VWC2: variants seen among roughly 807,000 people sequenced by gnomAD.
The protein encoded by VWC2 is brorin.
VWC2 carries 14 observed loss-of-function variants against 29.8 expected under a neutral mutation model. The observed-to-expected ratio is 0.47, with a 90% CI of 0.31 to 0.74. The LOEUF is 0.74. Ranked by LOEUF, VWC2 falls within the 30% of genes least tolerant of loss-of-function variation. The pLI, the probability that VWC2 is intolerant of heterozygous loss-of-function variation, is 0.05. For synonymous variants in VWC2, 213 were observed against 199.0 expected, an observed-to-expected ratio of 1.07 and a Z score of -0.59; for missense variants, 457 against 459.8, an observed-to-expected ratio of 0.99 and a Z score of 0.05.
rs184019485 is a variant in VWC2 at position 49,820,512 on chromosome 7, T to C, written c.826+17672T>C. Among the ~76,000 whole-genome samples the C allele has an allele frequency of 5.9e-4, 90 of 152,312 alleles. 1 individual carries two copies. The highest frequency in any genetic ancestry group is 2.0e-3 in the African/African-American group (85 of 41,574). On this transcript the variant is annotated intron_variant, in intron 3 of 3. Transcript: ENST00000340652. ...TGAGGAACTTTGTAGGGAATACAAA[T>C]TTATTTTTAAAAAGGATTAAAATGA...
At position 49,918,518 on chromosome 7, in the gene VWC2, C is replaced by T. The variant is rs576375596; in HGVS notation, c.*6333C>T. 1 of 152,182 alleles carries T rather than the reference C, an allele frequency of 6.6e-6. No homozygotes were observed. Among genetic ancestry groups the T allele is most frequent in the Non-Finnish European group, 1.5e-5 (1 of 68,038 alleles). The allele number at this position is 152,182 out of a possible 1,614,324, so 9.4% of individuals were successfully genotyped here. ...TTATGCTATATTTTGTTTCCTAAATCTAGAGATCTCTTTTTAAAAATAGTA... is the reference window on the plus strand; with the variant it reads ...TTATGCTATATTTTGTTTCCTAAATTTAGAGATCTCTTTTTAAAAATAGTA... On this transcript the variant is annotated 3_prime_UTR_variant, in exon 4 of 4. Transcript: ENST00000340652.
intron 2 of VWC2, among the ~76,000 whole-genome samples, chr7:49,779,542 A>G (rs1331733546): frequency 6.6e-6 from 1 of 151,958 alleles, no homozygotes; most frequent in African/African-American, 2.4e-5. Context: ...AACTTATACC[A>G]GCAGGCATCC....
At chr7:49,795,787 C>T (rs1264749998) in intron 2 of VWC2, among the ~76,000 whole-genome samples, 1 of 152,196 alleles carries the variant, frequency 6.6e-6, no homozygotes, top group Admixed American at 6.5e-5. Flanking sequence ...CAACATTTTG[C>T]ACTGGCCCAG....
intron 3 of VWC2, among the ~76,000 whole-genome samples, chr7:49,894,241 C>T (rs765716394): frequency 3.9e-5 from 6 of 152,240 alleles, no homozygotes; most frequent in Non-Finnish European, 8.8e-5. Flanking sequence ...ACCTCAGCCT[C>T]GACCACCCAG....
At chr7:49,854,230 A>G (rs1790321531) in intron 3 of VWC2, among the ~76,000 whole-genome samples, 1 of 152,236 alleles carries the variant, frequency 6.6e-6, no homozygotes, top group African/African-American at 2.4e-5. Context: ...ATATATACCC[A>G]GTAATGGGAT....
intron 3 of VWC2, among the ~76,000 whole-genome samples, chr7:49,880,839 T>G (rs931768177): frequency 6.6e-6 from 1 of 152,088 alleles, no homozygotes; most frequent in Admixed American, 6.6e-5. Flanking sequence ...GGGAAGCTCT[T>G]CATTTTTGCC....
intron 3 of VWC2, among the ~76,000 whole-genome samples, chr7:49,871,948 CACACACACA>C (rs1791173048): frequency 2.6e-5 from 3 of 115,588 alleles, no homozygotes; most frequent in African/African-American, 3.8e-5. Context: ...CACACACACA[CACACACACA>C]CCGAGAAAGA....
At chr7:49,885,714 C>T (rs1791873586) in intron 3 of VWC2, among the ~76,000 whole-genome samples, 1 of 152,134 alleles carries the variant, frequency 6.6e-6, no homozygotes, top group African/African-American at 2.4e-5. Context: ...CAAGAGTCTA[C>T]GAGGGTGTAA....
In VWC2 at chr7:49,802,766, T is replaced by C; in HGVS notation, c.752T>C (p.Val251Ala). Residue 251 changes from valine to alanine, a missense_variant, in exon 3 of 4, where the codon GTG becomes GCG. This residue lies in a region of VWC2 where 185 missense variants were observed against 257.1 expected (regional missense o/e 0.72). Transcript: ENST00000340652. ...GCCAACGGTGAGGTGCTATGCACAG[T>C]GTCAGCGTGTCCCCAGACGGAGTGT... ...CEANGEVLCT[V>A]SACPQTECVD... The C allele has an allele frequency of 6.2e-7, 1 of 1,614,236 alleles. No individual in the cohort carries two copies. Among genetic ancestry groups the C allele is most frequent in the Non-Finnish European group, 8.5e-7 (1 of 1,180,036 alleles).
At chr7:49,897,668 G>T (rs1792456418) in intron 3 of VWC2, among the ~76,000 whole-genome samples, 1 of 152,210 alleles carries the variant, frequency 6.6e-6, no homozygotes, top group Non-Finnish European at 1.5e-5. Context: ...GGCAAATACA[G>T]AAAATCACAA....
Position 49,877,481 on chromosome 7 carries a change from A to AAAAATATACATATATATATATAT in VWC2, c.827-34552_827-34551insAAATATACATATATATATATATA. Among the ~76,000 whole-genome samples the AAAAATATACATATATATATATAT allele has an allele frequency of 3.5e-3, 44 of 12,728 alleles. 11 individuals are homozygous for AAAAATATACATATATATATATAT. Among genetic ancestry groups the AAAAATATACATATATATATATAT allele is most frequent in the East Asian group, 0.017 (3 of 180 alleles). 8.4% of individuals were successfully genotyped at this position (12,728 alleles called of 152,430 possible). A position where few individuals can be genotyped will look rare whatever the true frequency, so the allele number is the denominator to read the frequency against. ...CTGTCTCAAAAAAAAAAAAAAAAAA[A>AAAAATATACATATATATATATAT]ATATATATATATATATATATATATA... On this transcript the variant is annotated intron_variant, in intron 3 of 3. Transcript: ENST00000340652.
At chr7:49,801,172 A>G (rs2128705672) in intron 2 of VWC2, among the ~76,000 whole-genome samples, 1 of 152,200 alleles carries the variant, frequency 6.6e-6, no homozygotes, top group Non-Finnish European at 1.5e-5. Flanking sequence ...CTCAGTGGAG[A>G]TTTCAGTTTT....
At chr7:49,841,677 T>C (rs1191090941) in intron 3 of VWC2, among the ~76,000 whole-genome samples, 1 of 152,230 alleles carries the variant, frequency 6.6e-6, no homozygotes, top group African/African-American at 2.4e-5. Context: ...AGAAATGTAC[T>C]TAGCATGGTT....
intron 3 of VWC2, among the ~76,000 whole-genome samples, chr7:49,868,086 G>A (rs894644204): frequency 3.1e-4 from 47 of 151,970 alleles, no homozygotes; most frequent in Admixed American, 9.2e-4. Flanking sequence ...CACCCACCTC[G>A]GCCTCCCAAA....
intron 3 of VWC2, among the ~76,000 whole-genome samples, chr7:49,837,472 A>G (rs1283886813): frequency 6.6e-6 from 1 of 152,176 alleles, no homozygotes; most frequent in Non-Finnish European, 1.5e-5. Context: ...TTAGCTTAAA[A>G]CAGAAGAGGT....
In VWC2 at chr7:49,912,446, A is replaced by G. The variant is rs1400940610; in HGVS notation, c.*261A>G. 1 of 322,546 alleles carries G rather than the reference A, an allele frequency of 3.1e-6. No individual in the cohort carries two copies. Among genetic ancestry groups the G allele is most frequent in the Non-Finnish European group, 5.8e-6 (1 of 173,128 alleles). 20.0% of individuals were successfully genotyped at this position (322,546 alleles called of 1,614,324 possible). A position where few individuals can be genotyped will look rare whatever the true frequency, so the allele number is the denominator to read the frequency against. On this transcript the variant is annotated 3_prime_UTR_variant, in exon 4 of 4. Coordinates refer to ENST00000340652, the MANE Select transcript of VWC2 (RefSeq NM_198570.5). ...CACAGTAAGTACACAAAAGTACACT[A>G]TTATATATCAAATGTATTTCTATAA...
intron 3 of VWC2, among the ~76,000 whole-genome samples, chr7:49,878,643 T>A (rs1156552157): frequency 6.6e-6 from 1 of 152,164 alleles, no homozygotes; most frequent in Non-Finnish European, 1.5e-5. Flanking sequence ...TATTATTAGT[T>A]TTTATTTTTC....
intron 1 of VWC2, 98 bp from the exon 2 acceptor site, chr7:49,775,235 C>T (rs1049920368): frequency 7.0e-6 from 2 of 285,798 alleles, no homozygotes; most frequent in African/African-American, 2.2e-5. Flanking sequence ...TCGCCCAGCT[C>T]GTTAATCTAG....
At chr7:49,841,822 T>TATGCTTG (rs1789799507) in intron 3 of VWC2, among the ~76,000 whole-genome samples, 1 of 152,230 alleles carries the variant, frequency 6.6e-6, no homozygotes, top group African/African-American at 2.4e-5. Context: ...TTGTTTATAT[T>TATGCTTG]ATGCTTGATA....
Sources: allele counts gnomAD v4.1 joint callset (sites outside exome capture counted in the v4.1 genomes callset), GRCh38; gene constraint gnomAD v4.1.1; regional missense constraint gnomAD v4.1.1; transcripts MANE v1.5; gene names NCBI Gene and HGNC (gene_info 2026-07-23, HGNC 2026-07-21).